The following ATF7IP variants were observed in gnomAD, a reference collection of about 807,000 sequenced individuals.
The protein encoded by ATF7IP is activating transcription factor 7-interacting protein 1.
Under a neutral mutation model 106.4 loss-of-function variants are expected in ATF7IP, and 23 were observed. The observed-to-expected ratio is 0.22, with a 90% CI of 0.16 to 0.31. The LOEUF is 0.31. Ranked by LOEUF, ATF7IP falls within the 10% of genes least tolerant of loss-of-function variation. The probability of loss-of-function intolerance (pLI) is 1.00; values close to 1 mark genes in which losing one functional copy is unlikely to be tolerated. For synonymous variants in ATF7IP, 542 were observed against 539.0 expected, an observed-to-expected ratio of 1.01 and a Z score of -0.08; for missense variants, 1,334 against 1,524.3, an observed-to-expected ratio of 0.88 and a Z score of 2.08.
Position 14,453,663 on chromosome 12 carries a change from C to T in ATF7IP, c.1996-2898C>T, listed in dbSNP as rs79142082. Among the ~76,000 whole-genome samples the T allele has an allele frequency of 4.0e-5, 6 of 151,286 alleles. No individual in the cohort carries two copies. In the East Asian group the frequency reaches 7.8e-4, roughly 20 times the overall value. ...TTTTGAGAAGGAGTTTCGCTCCTGT[C>T]GCCCAGGCTGGAGTGTAACGGCGCA... On this transcript the variant is annotated intron_variant, in intron 6 of 14. Coordinates refer to ENST00000261168, the MANE Select transcript of ATF7IP (RefSeq NM_018179.5).
rs1252349887 is a variant in ATF7IP, at chr12:14,481,125, G to T, written c.3220G>T (p.Ala1074Ser). 1.9e-6 allele frequency: 3 copies of T among 1,613,930 alleles called. No individual in the cohort carries two copies. Among genetic ancestry groups the T allele is most frequent in the Non-Finnish European group, 1.7e-6 (2 of 1,179,960 alleles). ...YTTLPAPPAQAPLRGTVMQAP... is the reference protein window; with the variant it reads ...YTTLPAPPAQSPLRGTVMQAP... ...AACTCTTCCTGCACCACCAGCTCAGGCTCCCTTGCGAGGAACTGTTATGCA... is the reference window on the plus strand; with the variant it reads ...AACTCTTCCTGCACCACCAGCTCAGTCTCCCTTGCGAGGAACTGTTATGCA... Residue 1074 changes from alanine to serine, a missense_variant, in exon 13 of 15, where the codon GCT becomes TCT. Physicochemically the swap from Ala to Ser is moderately conservative, Grantham distance 99. Coordinates refer to ENST00000261168, the MANE Select transcript of ATF7IP (RefSeq NM_018179.5).
Position 14,434,219 on chromosome 12 carries a change from G to C in ATF7IP, c.1559-118G>C, listed in dbSNP as rs1206513243. On this transcript the variant is annotated intron_variant, in intron 2 of 14. Transcript: ENST00000261168. ...TTCCCCTCCCCAAATTTTACATTTT[G>C]GGACTCTGATTTCATAAAAGGTTGG... 8.0e-6 allele frequency: 5 copies of C among 625,430 alleles called. No homozygotes were observed. In the African/African-American group the frequency reaches 9.4e-5, roughly 12 times the overall value. The allele number at this position is 625,430 out of a possible 1,614,324, so 38.7% of individuals were successfully genotyped here.
intron 14 of ATF7IP, among the ~76,000 whole-genome samples, chr12:14,497,038 CT>C (rs1457739555): frequency 6.6e-6 from 1 of 152,194 alleles, no homozygotes; most frequent in Non-Finnish European, 1.5e-5. Context: ...CGTCCCCTCA[CT>C]TTACTGTCCA....
At chr12:14,490,737 G>A (rs1476065289) in intron 13 of ATF7IP, among the ~76,000 whole-genome samples, 1 of 152,116 alleles carries the variant, frequency 6.6e-6, no homozygotes, top group African/African-American at 2.4e-5. Context: ...TGTCAGAGGG[G>A]AGACACGGGC....
At chr12:14,497,402 T>A (rs545740152) in intron 14 of ATF7IP, among the ~76,000 whole-genome samples, 1 of 152,310 alleles carries the variant, frequency 6.6e-6, no homozygotes, top group South Asian at 2.1e-4. Flanking sequence ...GGCTTTTTAT[T>A]TCCTAAGAAA....
At chr12:14,448,120 CA>C (rs1004813353) in intron 6 of ATF7IP, among the ~76,000 whole-genome samples, 30 of 151,808 alleles carry the variant, frequency 2.0e-4, no homozygotes, top group African/African-American at 7.2e-4. Context: ...TTGATAGTTC[CA>C]TTGTCTGGCA....
At chr12:14,475,815 C>A in intron 10 of ATF7IP, 75 bp from the exon 11 acceptor site, 3 of 1,184,570 alleles carry the variant, frequency 2.5e-6, no homozygotes. Flanking sequence ...CATTTTACCT[C>A]ACTTATCATC....
At chr12:14,473,722 T>A (rs1944147106) in intron 10 of ATF7IP, among the ~76,000 whole-genome samples, 2 of 106,314 alleles carry the variant, frequency 1.9e-5, no homozygotes, top group African/African-American at 3.6e-5. Context: ...ATTCTCTTGG[T>A]TTTTTAGTAT....
chr12:14,373,508 C>T (rs1938612429), intron 1 of ATF7IP, among the ~76,000 whole-genome samples: 2 of 152,152 alleles, frequency 1.3e-5, no homozygotes, highest in Non-Finnish European at 2.9e-5. Flanking sequence ...CACTTTGACT[C>T]ATGGTTTATG....
intron 1 of ATF7IP, among the ~76,000 whole-genome samples, chr12:14,409,165 A>G (rs1940774155): frequency 1.3e-5 from 2 of 152,218 alleles, no homozygotes; most frequent in Admixed American, 1.3e-4. Context: ...AAAGTGTTCC[A>G]TTAAACAATA....
At chr12:14,434,190 C>T (rs1418296687) in intron 2 of ATF7IP, 147 bp from the exon 3 acceptor site, 1 of 573,974 alleles carries the variant, frequency 1.7e-6, no homozygotes, top group Non-Finnish European at 3.1e-6. Context: ...TTCCTGCTCC[C>T]CTTTTCCCCT....
chr12:14,496,764 A>G (rs1945024116), intron 14 of ATF7IP, among the ~76,000 whole-genome samples: 1 of 152,232 alleles, frequency 6.6e-6, no homozygotes, highest in African/African-American at 2.4e-5. Flanking sequence ...TTCATTAGTT[A>G]AGAGGTAACA....
chr12:14,464,392 A>G (rs572405497), intron 9 of ATF7IP, among the ~76,000 whole-genome samples: 3 of 152,366 alleles, frequency 2.0e-5, no homozygotes, highest in Admixed American at 6.5e-5. Flanking sequence ...CTTCAAGGAC[A>G]TAATTAAATG....
In ATF7IP at chr12:14,438,250, G is replaced by A. The variant is rs551216061; in HGVS notation, c.1912G>A (p.Val638Ile). 1 of 1,612,630 alleles carries A rather than the reference G, an allele frequency of 6.2e-7. No homozygotes were observed. Among genetic ancestry groups the A allele is most frequent in the South Asian group, 1.1e-5 (1 of 90,982 alleles). The change falls in exon 5 of 15, where the codon GTT becomes ATT. Residue 638 changes from valine (V) to isoleucine (I), a missense_variant. This residue lies in a region of ATF7IP where 171 missense variants were observed against 172.6 expected (regional missense o/e 0.99). Transcript: ENST00000261168. Reference protein sequence around the residue: ...KIECNKRHKTVLTELQAKIAR... With the variant: ...KIECNKRHKTILTELQAKIAR... Reference sequence around the variant, plus strand: ...TGAATGTAACAAGAGGCATAAAACAGTTCTCACTGAACTACAGGTTTGTAC... The same window carrying A: ...TGAATGTAACAAGAGGCATAAAACAATTCTCACTGAACTACAGGTTTGTAC...
intron 1 of ATF7IP, among the ~76,000 whole-genome samples, chr12:14,391,504 GT>G (rs1439191131): frequency 3.9e-5 from 6 of 152,176 alleles, no homozygotes. Flanking sequence ...TTAAGTAATT[GT>G]GTAGTTTTGG....
At chr12:14,396,953 G>A (rs1449524200) in intron 1 of ATF7IP, among the ~76,000 whole-genome samples, 1 of 152,158 alleles carries the variant, frequency 6.6e-6, no homozygotes, top group African/African-American at 2.4e-5. Flanking sequence ...CTGAGGTCAG[G>A]AGTTCGAGAC....
chr12:14,444,816 A>G lies in ATF7IP; in HGVS notation c.1930-2172A>G, dbSNP rs182319423. ...GATGTGAAAATGAGGTCCTTAGTTC[A>G]TTTTCTTTCCCACTTTCTGCCAATC... On this transcript the variant is annotated intron_variant, in intron 5 of 14. Coordinates refer to ENST00000261168, the MANE Select transcript of ATF7IP (RefSeq NM_018179.5). 2.7e-3 allele frequency among the ~76,000 whole-genome samples: 411 copies of G among 152,126 alleles called. 10 individuals carry two copies. The highest frequency in any genetic ancestry group is 2.5e-4 in the Non-Finnish European group (17 of 68,002).
Position 14,424,851 on chromosome 12 carries a change from AGAT to A in ATF7IP, c.943_945del (p.Asp315del). ...ACAATATAGAACCAAGTAGCAATAA[AGAT>A]GATGATTTTCTTGAAAAAAATGGAG... On this transcript the variant is annotated inframe_deletion, in exon 2 of 15. Coordinates refer to ENST00000261168, the MANE Select transcript of ATF7IP (RefSeq NM_018179.5). The A allele has an allele frequency of 6.2e-7, 1 of 1,613,124 alleles. No homozygotes were observed. Among genetic ancestry groups the A allele is most frequent in the Non-Finnish European group, 8.5e-7 (1 of 1,179,798 alleles).
chr12:14,370,753 A>G (rs1401580471), intron 1 of ATF7IP, among the ~76,000 whole-genome samples: 2 of 152,190 alleles, frequency 1.3e-5, no homozygotes, highest in Non-Finnish European at 2.9e-5. Context: ...AGGAGACAAT[A>G]TAAGGTTATA....
Sources: allele counts gnomAD v4.1 joint callset (sites outside exome capture counted in the v4.1 genomes callset), GRCh38; gene constraint gnomAD v4.1.1; regional missense constraint gnomAD v4.1.1; transcripts MANE v1.5; gene names NCBI Gene and HGNC (gene_info 2026-07-23, HGNC 2026-07-21).